Variants in SNX29 observed in about 807,000 individuals in gnomAD.
SNX29 encodes the protein sorting nexin 29, also known as sorting nexin-29.
SNX29 carries 78 observed loss-of-function variants against 102.1 expected under a neutral mutation model. The ratio of observed to expected loss-of-function variants is 0.76; its 90% CI spans 0.64 to 0.92. The LOEUF is 0.92. SNX29 is among the 40% of genes least tolerant of loss of function. SNX29 has a pLI of 0.00. For missense variants in SNX29, 1,280 were observed against 1,061.7 expected (o/e 1.21, Z -2.86); for synonymous variants, 580 against 414.5 (o/e 1.40, Z -4.85).
At chr16:11,985,337 G>T (rs759317445) in intron 1 of SNX29, among the ~76,000 whole-genome samples, 1 of 152,180 alleles carries the variant, frequency 6.6e-6, no homozygotes, top group African/African-American at 2.4e-5. Flanking sequence ...TGTTGGGACC[G>T]TGCTGAGTGT....
intron 19 of SNX29, among the ~76,000 whole-genome samples, chr16:12,520,841 A>AT (rs1056749199): frequency 2.0e-5 from 3 of 152,136 alleles, no homozygotes; most frequent in Non-Finnish European, 2.9e-5. Context: ...ATGACCGCAT[A>AT]TTTGAGTACA....
At chr16:12,313,678 A>G (rs1156632703) in intron 15 of SNX29, among the ~76,000 whole-genome samples, 1 of 152,218 alleles carries the variant, frequency 6.6e-6, no homozygotes, top group African/African-American at 2.4e-5. Flanking sequence ...CCATGAGGGC[A>G]GGGAAGTCTC....
At chr16:12,292,904 C>A (rs954901542) in intron 15 of SNX29, among the ~76,000 whole-genome samples, 1 of 152,156 alleles carries the variant, frequency 6.6e-6, no homozygotes, top group African/African-American at 2.4e-5. Flanking sequence ...TAAGTTCTTA[C>A]AGAAGAATTT....
At chr16:12,216,519 A>G (rs2077328235) in intron 14 of SNX29, among the ~76,000 whole-genome samples, 1 of 152,242 alleles carries the variant, frequency 6.6e-6, no homozygotes, top group Non-Finnish European at 1.5e-5. Context: ...TTTGATGGGC[A>G]TGCAAGCTGA....
chr16:12,548,125 T>C (rs996116811), intron 20 of SNX29, among the ~76,000 whole-genome samples: 7 of 152,200 alleles, frequency 4.6e-5, no homozygotes, highest in East Asian at 1.9e-4. Flanking sequence ...TTGGGACAAG[T>C]AGGAATTTTC....
chr16:12,560,010 C>T (rs187162723), intron 20 of SNX29, among the ~76,000 whole-genome samples: 32 of 152,278 alleles, frequency 2.1e-4, no homozygotes, highest in African/African-American at 7.2e-4. Flanking sequence ...ACTTCACTTA[C>T]ATTTTGGAAG....
At chr16:12,431,312 T>C (rs921804893) in intron 18 of SNX29, among the ~76,000 whole-genome samples, 10 of 151,228 alleles carry the variant, frequency 6.6e-5, no homozygotes, top group African/African-American at 2.5e-4. Context: ...GTGCAGATCC[T>C]GAGAACATCC....
At chr16:12,310,137 TAC>T (rs2080488702) in intron 15 of SNX29, among the ~76,000 whole-genome samples, 2 of 152,174 alleles carry the variant, frequency 1.3e-5, no homozygotes, top group African/African-American at 4.8e-5. Context: ...TGCATGCACA[TAC>T]ACACTGCATA....
At chr16:12,502,831 C>T (rs960178109) in intron 19 of SNX29, among the ~76,000 whole-genome samples, 1 of 152,106 alleles carries the variant, frequency 6.6e-6, no homozygotes, top group African/African-American at 2.4e-5. Context: ...GCGGTTGCTG[C>T]GATGTTTCCA....
chr16:12,184,472 A>G (rs1374193020), intron 13 of SNX29, among the ~76,000 whole-genome samples: 1 of 152,226 alleles, frequency 6.6e-6, no homozygotes, highest in African/African-American at 2.4e-5. Context: ...ATAAAGGTTC[A>G]GATCTCCTAG....
intron 15 of SNX29, among the ~76,000 whole-genome samples, chr16:12,292,130 A>G (rs1297151102): frequency 1.3e-5 from 2 of 152,118 alleles, no homozygotes; most frequent in African/African-American, 4.8e-5. Flanking sequence ...CTTTGCAGGT[A>G]GAATAGGACC....
chr16:12,306,231 G>A (rs1255408465), intron 15 of SNX29, among the ~76,000 whole-genome samples: 5 of 152,148 alleles, frequency 3.3e-5, no homozygotes, highest in African/African-American at 1.2e-4. Context: ...AGAAAGAGTT[G>A]CATCGAAATT....
At chr16:12,402,431 T>C (rs1030557744) in intron 17 of SNX29, among the ~76,000 whole-genome samples, 4 of 152,198 alleles carry the variant, frequency 2.6e-5, no homozygotes, top group Non-Finnish European at 5.9e-5. Context: ...GGAGAAAGCA[T>C]TTAGCCCTGG....
chr16:12,419,129 G>T lies in SNX29; in HGVS notation c.2037+15600G>T, dbSNP rs116879305. Among the ~76,000 whole-genome samples, 233 of 152,318 alleles carry T rather than the reference G, an allele frequency of 1.5e-3. 9 individuals carry two copies. In the East Asian group the frequency reaches 0.04, roughly 26 times the overall value. On this transcript the variant is annotated intron_variant, in intron 18 of 20. Transcript: ENST00000566228. ...GAGAAACCCTTGTCTCTAGTCAACA[G>T]TGTAAGCATTGTTTAGTTCCGATGT...
At chr16:12,369,565 C>G (rs1169492241) in intron 16 of SNX29, among the ~76,000 whole-genome samples, 2 of 152,234 alleles carry the variant, frequency 1.3e-5, no homozygotes, top group Non-Finnish European at 2.9e-5. Flanking sequence ...GGTGATGACA[C>G]TGTCCTTGAC....
chr16:12,524,732 C>T lies in SNX29; in HGVS notation c.2209C>T (p.Gln737Ter). 6.2e-7 allele frequency: 1 copy of T among 1,613,482 alleles called. No homozygotes were observed. The highest frequency in any genetic ancestry group is 8.5e-7 in the Non-Finnish European group (1 of 1,179,716). ...CAAGTTTGTGGAGGAACGGAGAAAG[C>T]AGCTCCAGAATTACCTGCGCAGCGT... ...DAKFVEERRK[Q>*]LQNYLRSVMN... The change falls in exon 20 of 21, where the codon CAG becomes TAG. Residue 737 changes from glutamine to a stop codon, truncating the protein, a stop_gained. Coordinates refer to ENST00000566228, the MANE Select transcript of SNX29 (RefSeq NM_032167.5). LOFTEE classifies it high-confidence loss of function.
rs28444737 is a variant in SNX29, at chr16:12,487,648, C to T, written c.2178+9789C>T. On this transcript the variant is annotated intron_variant, in intron 19 of 20. Coordinates refer to ENST00000566228, the MANE Select transcript of SNX29 (RefSeq NM_032167.5). ...AGAGTCACCTACTACAGGTTTCAGCCGTAAAGTTCGTCATGTGAAGACAAT... is the reference window on the plus strand; with the variant it reads ...AGAGTCACCTACTACAGGTTTCAGCTGTAAAGTTCGTCATGTGAAGACAAT... Among the ~76,000 whole-genome samples, 517 of 152,198 alleles carry T rather than the reference C, an allele frequency of 3.4e-3. 7 individuals carry two copies. Among genetic ancestry groups the T allele is most frequent in the African/African-American group, 0.012 (484 of 41,528 alleles).
chr16:12,118,333 T>C (rs1056100410), intron 11 of SNX29, among the ~76,000 whole-genome samples: 4 of 143,634 alleles, frequency 2.8e-5, no homozygotes, highest in African/African-American at 1.1e-4. Context: ...TTTTTTTTTT[T>C]TTTATGAGAT....
At chr16:12,057,260 CAA>C (rs2050558749) in intron 8 of SNX29, among the ~76,000 whole-genome samples, 1 of 152,216 alleles carries the variant, frequency 6.6e-6, no homozygotes, top group Non-Finnish European at 1.5e-5. Flanking sequence ...CAAAGTGAAA[CAA>C]GACTCCATAT....
Sources: gnomAD v4.1 joint callset for allele counts (sites outside exome capture counted in the v4.1 genomes callset) on GRCh38, gnomAD v4.1.1 for gene constraint, MANE v1.5 for transcripts, NCBI Gene and HGNC (gene_info 2026-07-23, HGNC 2026-07-21) for gene names.